Variants in CSGALNACT1 observed in about 807,000 individuals in gnomAD.
The protein encoded by CSGALNACT1 is beta4GalNAcT-1.
CSGALNACT1 carries 52 observed loss-of-function variants against 51.0 expected under a neutral mutation model. The ratio of observed to expected loss-of-function variants is 1.02; its 90% confidence interval spans 0.82 to 1.29. CSGALNACT1 has a LOEUF of 1.29. Among genes scored for constraint, CSGALNACT1 ranks in the 50% most tolerant of loss-of-function variants. The pLI is 0.00. For missense variants in CSGALNACT1, 935 were observed against 679.2 expected, an observed-to-expected ratio of 1.38 and a Z score of -4.19; for synonymous variants, 341 against 254.4, an observed-to-expected ratio of 1.34 and a Z score of -3.24.
At chr8:19,452,510 G>C (rs2063356963) in intron 5 of CSGALNACT1, among the ~76,000 whole-genome samples, 1 of 151,910 alleles carries the variant, frequency 6.6e-6, no homozygotes, top group Non-Finnish European at 1.5e-5. Context: ...TGAAGAGTTA[G>C]AGGAGAAGGG....
intron 3 of CSGALNACT1, among the ~76,000 whole-genome samples, chr8:19,514,768 G>C (rs28446033): frequency 0.034 from 5,214 of 151,542 alleles, 288 homozygotes; most frequent in African/African-American, 0.12. Flanking sequence ...GGGAGGTGGA[G>C]GTTGCAGTGA....
At chr8:19,632,485 T>TTTG (rs1307683941) in intron 1 of CSGALNACT1, among the ~76,000 whole-genome samples, 227 of 152,344 alleles carry the variant, frequency 1.5e-3, no homozygotes, top group African/African-American at 5.2e-3. Flanking sequence ...CAAAAAAGCA[T>TTTG]TCGTCAGAAA....
At chr8:19,622,359 T>C (rs894839822) in intron 1 of CSGALNACT1, among the ~76,000 whole-genome samples, 2 of 152,240 alleles carry the variant, frequency 1.3e-5, no homozygotes, top group African/African-American at 4.8e-5. Flanking sequence ...CACTCAATAG[T>C]GTACTTGACC....
intron 1 of CSGALNACT1, among the ~76,000 whole-genome samples, chr8:19,610,508 C>A (rs1181401379): frequency 1.3e-5 from 2 of 152,050 alleles, no homozygotes; most frequent in African/African-American, 4.8e-5. Flanking sequence ...GAGACAGGGG[C>A]AGGTGGACAT....
intron 4 of CSGALNACT1, among the ~76,000 whole-genome samples, chr8:19,460,723 G>C (rs1012386298): frequency 3.9e-5 from 6 of 152,118 alleles, no homozygotes; most frequent in Non-Finnish European, 8.8e-5. Context: ...GTTTCTCAAG[G>C]TCTCTCACAA....
intron 3 of CSGALNACT1, among the ~76,000 whole-genome samples, chr8:19,517,480 G>A (rs2079790534): frequency 6.6e-6 from 1 of 152,052 alleles, no homozygotes; most frequent in Admixed American, 6.6e-5. Flanking sequence ...TCTCTAGAAG[G>A]GTTAAAGTGA....
intron 1 of CSGALNACT1, among the ~76,000 whole-genome samples, chr8:19,622,016 C>T (rs957345992): frequency 7.9e-5 from 12 of 152,166 alleles, no homozygotes; most frequent in African/African-American, 2.7e-4. Context: ...GGTATGTAGT[C>T]GATACTTCCA....
intron 3 of CSGALNACT1, among the ~76,000 whole-genome samples, chr8:19,527,842 G>A (rs149639512): frequency 4.1e-4 from 62 of 152,266 alleles, no homozygotes; most frequent in Middle Eastern, 3.4e-3. Flanking sequence ...GCATCCAGGC[G>A]GAGATGGTGA....
intron 3 of CSGALNACT1, among the ~76,000 whole-genome samples, chr8:19,523,122 C>G (rs1459046274): frequency 6.6e-6 from 1 of 152,162 alleles, no homozygotes; most frequent in Non-Finnish European, 1.5e-5. Context: ...CATCAGAGTT[C>G]CATCTCACGT....
At chr8:19,516,153 G>A (rs781231344) in intron 3 of CSGALNACT1, among the ~76,000 whole-genome samples, 2 of 152,086 alleles carry the variant, frequency 1.3e-5, no homozygotes, top group African/African-American at 2.4e-5. Context: ...GAGCATTTAC[G>A]TTGGGGCCAG....
intron 1 of CSGALNACT1, among the ~76,000 whole-genome samples, chr8:19,698,256 C>T (rs945059559): frequency 2.0e-5 from 3 of 152,184 alleles, no homozygotes; most frequent in African/African-American, 7.2e-5. Context: ...CCTTCTGGCC[C>T]CAGAACCAAC....
intron 1 of CSGALNACT1, among the ~76,000 whole-genome samples, chr8:19,612,769 G>A (rs2052448189): frequency 6.6e-6 from 1 of 151,708 alleles, no homozygotes; most frequent in Non-Finnish European, 1.5e-5. Context: ...GTTCTTTAAA[G>A]TGGCTATTCT....
At chr8:19,470,432 A>C (rs552226650) in intron 4 of CSGALNACT1, among the ~76,000 whole-genome samples, 1 of 152,310 alleles carries the variant, frequency 6.6e-6, no homozygotes, top group Non-Finnish European at 1.5e-5. Context: ...ATGAATTTGC[A>C]CTGACATCAG....
Position 19,706,331 on chromosome 8 carries a change from T to A in CSGALNACT1, c.-297+51519A>T, listed in dbSNP as rs112818963. ...GGCTCAATCTGTATCTGTATTGTCA[T>A]AAAGAGAATTTCCTCCACATCCTCA... On this transcript the variant is annotated intron_variant, in intron 1 of 1. Coordinates refer to the CSGALNACT1 transcript ENST00000517494. Among the ~76,000 whole-genome samples the A allele has an allele frequency of 7.9e-5, 12 of 152,316 alleles. 2 individuals carry two copies. The highest frequency in any genetic ancestry group is 2.9e-4 in the African/African-American group (12 of 41,572).
At chr8:19,724,149 T>A (rs2063272958) in intron 1 of CSGALNACT1, among the ~76,000 whole-genome samples, 1 of 152,128 alleles carries the variant, frequency 6.6e-6, no homozygotes, top group South Asian at 2.1e-4. Flanking sequence ...AGCAGCACAT[T>A]TGTATCAGTT....
intron 9 of CSGALNACT1, among the ~76,000 whole-genome samples, chr8:19,407,717 G>T (rs767624782): frequency 6.6e-6 from 1 of 151,454 alleles, no homozygotes; most frequent in South Asian, 2.1e-4. Flanking sequence ...ACAGGCGTGC[G>T]CATGTGCATA....
intron 8 of CSGALNACT1, among the ~76,000 whole-genome samples, chr8:19,409,329 G>A (rs1028822612): frequency 8.5e-5 from 13 of 152,146 alleles, no homozygotes; most frequent in African/African-American, 2.9e-4. Context: ...TCATCTTCAC[G>A]CTATTTTAAA....
chr8:19,547,659 G>A (rs549706329), intron 3 of CSGALNACT1, among the ~76,000 whole-genome samples: 5 of 152,058 alleles, frequency 3.3e-5, no homozygotes, highest in South Asian at 2.1e-4. Context: ...ACCCAGTCTC[G>A]GGTATATCTT....
At chr8:19,413,803 G>T (rs902457456) in intron 8 of CSGALNACT1, among the ~76,000 whole-genome samples, 1 of 152,184 alleles carries the variant, frequency 6.6e-6, no homozygotes, top group African/African-American at 2.4e-5. Context: ...CATTAGAAAT[G>T]ATAAGGAGGT....
Sources: allele counts gnomAD v4.1 joint callset (sites outside exome capture counted in the v4.1 genomes callset), GRCh38; gene constraint gnomAD v4.1.1; transcripts MANE v1.5; gene names NCBI Gene and HGNC (gene_info 2026-07-23, HGNC 2026-07-21).